ZFP90: variants seen among roughly 807,000 people sequenced by gnomAD.
ZFP90 encodes the protein ZFP90 zinc finger protein.
Under a neutral mutation model 60.8 loss-of-function variants are expected in ZFP90, and 38 were observed. That is an observed-to-expected ratio of 0.62 (90% confidence interval 0.48 to 0.82). The LOEUF is 0.82. Ranked by LOEUF, ZFP90 falls within the 40% of genes least tolerant of loss-of-function variation. The pLI is 0.00. For synonymous variants in ZFP90, 287 were observed against 264.8 expected (o/e 1.08, Z -0.82); for missense variants, 711 against 759.1 (o/e 0.94, Z 0.74).
chr16:68,539,859 C>CATCCATCT (rs1455577882), intron 2 of ZFP90, 34 bp downstream of exon 2: 2 of 1,601,224 alleles, frequency 1.2e-6, no homozygotes, highest in Non-Finnish European at 1.7e-6. Context: ...CTGGGCATCC[C>CATCCATCT]ATCCATCTAT....
In ZFP90 at chr16:68,539,385, A is replaced by C. The variant is rs918517083; in HGVS notation, c.-130A>C. ...CCCTCCGCAGATCAGAATTGGAGAT[A>C]ACCGAGGCTTCGGCGGGGGCGGGAG... On this transcript the variant is annotated 5_prime_UTR_variant, in exon 1 of 5. Coordinates refer to ENST00000563169, the MANE Select transcript of ZFP90 (RefSeq NM_001305203.2). 1.2e-5 allele frequency: 3 copies of C among 245,934 alleles called. No individual in the cohort carries two copies. The highest frequency in any genetic ancestry group is 2.8e-4 in the South Asian group (2 of 7,068). The allele number at this position is 245,934 out of a possible 1,614,324, so 15.2% of individuals were successfully genotyped here.
intron 2 of ZFP90, among the ~76,000 whole-genome samples, chr16:68,550,192 A>T (rs1386832451): frequency 6.6e-6 from 1 of 152,256 alleles, no homozygotes; most frequent in African/African-American, 2.4e-5. Context: ...TAAATGTTTT[A>T]AAATTACTAA....
At chr16:68,551,821 T>C (rs1445532666) in intron 2 of ZFP90, among the ~76,000 whole-genome samples, 1 of 152,068 alleles carries the variant, frequency 6.6e-6, no homozygotes, top group African/African-American at 2.4e-5. Flanking sequence ...TGCAGTGGCG[T>C]GATCTCGGCT....
rs1447823955 is a variant in ZFP90 at position 68,566,229 on chromosome 16, C to A, written c.*1531C>A. 8.1e-6 allele frequency: 8 copies of A among 985,486 alleles called. No homozygotes were observed. The African/African-American group carries it at 1.4e-4, about 17-fold the overall frequency. The allele number at this position is 985,486 out of a possible 1,614,324, so 61.0% of individuals were successfully genotyped here. On this transcript the variant is annotated 3_prime_UTR_variant, in exon 5 of 5. Coordinates refer to ENST00000563169, the MANE Select transcript of ZFP90 (RefSeq NM_001305203.2). ...TCCCCTAATGACTCCCATGGGCTAT[C>A]CTAAAGGAACTTCCAGAACCTTTGT...
intron 2 of ZFP90, among the ~76,000 whole-genome samples, chr16:68,550,685 C>T (rs2091245330): frequency 6.6e-6 from 1 of 152,200 alleles, no homozygotes; most frequent in African/African-American, 2.4e-5. Flanking sequence ...ACATCTAAAT[C>T]CTTAATTTAA....
chr16:68,556,989 C>T (rs931264999), intron 2 of ZFP90, among the ~76,000 whole-genome samples: 2 of 152,064 alleles, frequency 1.3e-5, no homozygotes, highest in Non-Finnish European at 2.9e-5. Context: ...GAGGGAATTG[C>T]ATTTTACTCT....
upstream of ZFP90, among the ~76,000 whole-genome samples, chr16:68,537,270 C>T (rs146946177): frequency 4.4e-4 from 67 of 152,114 alleles, 1 homozygote; most frequent in East Asian, 0.013. Flanking sequence ...TGAGTACAGG[C>T]GCACGCCACC....
chr16:68,568,031 C>T (rs2091547526), downstream of ZFP90, among the ~76,000 whole-genome samples: 1 of 152,142 alleles, frequency 6.6e-6, no homozygotes, highest in Non-Finnish European at 1.5e-5. Context: ...TTTGCTGACT[C>T]TCCTATTTCA....
At chr16:68,559,921 T>A (rs1341895659) in intron 4 of ZFP90, among the ~76,000 whole-genome samples, 2 of 152,064 alleles carry the variant, frequency 1.3e-5, no homozygotes, top group Non-Finnish European at 2.9e-5. Flanking sequence ...CAGGGTGCAG[T>A]GCAGTGTCTC....
chr16:68,568,194 CTTT>C (rs1231276630), downstream of ZFP90, among the ~76,000 whole-genome samples: 1 of 152,122 alleles, frequency 6.6e-6, no homozygotes, highest in African/African-American at 2.4e-5. Context: ...TTTGATAGCT[CTTT>C]TTATTACCCT....
intron 2 of ZFP90, among the ~76,000 whole-genome samples, chr16:68,545,537 A>AG (rs2091133367): frequency 6.6e-6 from 1 of 152,162 alleles, no homozygotes; most frequent in South Asian, 2.1e-4. Context: ...GTTTCAAGCC[A>AG]GGCGCAGTGG....
At chr16:68,551,186 T>C (rs1204103931) in intron 2 of ZFP90, among the ~76,000 whole-genome samples, 2 of 152,190 alleles carry the variant, frequency 1.3e-5, no homozygotes, top group South Asian at 2.1e-4. Context: ...CATAAAACTC[T>C]TTATTTCTGT....
intron 2 of ZFP90, among the ~76,000 whole-genome samples, chr16:68,542,616 AGG>A (rs1000565296): frequency 1.1e-4 from 17 of 152,190 alleles, no homozygotes; most frequent in African/African-American, 3.9e-4. Context: ...AAAAAACAAA[AGG>A]GAGAGGGTAG....
chr16:68,542,792 A>G (rs570910532), intron 2 of ZFP90, among the ~76,000 whole-genome samples: 3 of 152,318 alleles, frequency 2.0e-5, no homozygotes, highest in African/African-American at 4.8e-5. Context: ...TCGTTCATTC[A>G]TCATTCATTC....
intron 4 of ZFP90, among the ~76,000 whole-genome samples, chr16:68,560,537 T>TTGATTTTGTTTGTTTA (rs149308667): frequency 7.6e-4 from 112 of 147,228 alleles, no homozygotes; most frequent in Middle Eastern, 6.9e-3. Context: ...CCACACTGGA[T>TTGATTTTGTTTGTTTA]TTTATTTATT....
At chr16:68,547,973 G>A (rs1413792065) in intron 2 of ZFP90, among the ~76,000 whole-genome samples, 14 of 151,836 alleles carry the variant, frequency 9.2e-5, no homozygotes, top group African/African-American at 2.9e-4. Flanking sequence ...GATTACAGGC[G>A]TGTACCACCA....
In ZFP90 at chr16:68,564,422, A is replaced by G. The variant is rs2091490644; in HGVS notation, c.1635A>G (p.Arg545=). The G allele has an allele frequency of 9.9e-6, 16 of 1,613,830 alleles. No homozygotes were observed. Among genetic ancestry groups the G allele is most frequent in the African/African-American group, 1.3e-5 (1 of 74,982 alleles). Residue 545 remains arginine (R), a synonymous_variant, in exon 5 of 5, where the codon AGA becomes AGG. Coordinates refer to ENST00000563169, the MANE Select transcript of ZFP90 (RefSeq NM_001305203.2). ...GCTCATCGCTTACTCAACATGAGAG[A>G]ACCCACACTGGAGAGAAACCCTATG... is the stretch of plus-strand genomic sequence containing the variant. ...SRRSSLTQHE[R]THTGEKPYEC... is the part of the protein sequence containing the mutation.
chr16:68,535,348 C>T (rs1363385360), upstream of ZFP90, among the ~76,000 whole-genome samples: 1 of 152,186 alleles, frequency 6.6e-6, no homozygotes, highest in Non-Finnish European at 1.5e-5. Flanking sequence ...AAGTTTGAAA[C>T]AGGTAATTTA....
At chr16:68,561,438 A>G (rs1375761519) in intron 4 of ZFP90, among the ~76,000 whole-genome samples, 1 of 152,170 alleles carries the variant, frequency 6.6e-6, no homozygotes, top group East Asian at 1.9e-4. Flanking sequence ...TTTGAGTTCA[A>G]AATCTATCTA....
Sources: gnomAD v4.1 joint callset for allele counts (sites outside exome capture counted in the v4.1 genomes callset) on GRCh38, gnomAD v4.1.1 for gene constraint, MANE v1.5 for transcripts, NCBI Gene and HGNC (gene_info 2026-07-23, HGNC 2026-07-21) for gene names.